The following GRHL1 variants were observed in gnomAD, a reference collection of about 807,000 sequenced individuals.
The protein encoded by GRHL1 is grainyhead like transcription factor 1, also known as grainyhead-like protein 1 homolog.
A neutral mutation model predicts 75.7 loss-of-function variants in GRHL1; 38 were observed. That is an observed-to-expected ratio of 0.50 (90% CI 0.39 to 0.66). The LOEUF is 0.66. GRHL1 is among the 30% of genes least tolerant of loss of function. The pLI, the probability that GRHL1 is intolerant of heterozygous loss-of-function variation, is 0.00. For missense variants in GRHL1, 589 were observed against 767.5 expected (o/e 0.77, Z 2.75); for synonymous variants, 266 against 279.4 (o/e 0.95, Z 0.48).
chr2:9,961,028 A>C lies in GRHL1; in HGVS notation c.279-18A>C, dbSNP rs1373413460. ...CTACATCAGCATCGCGTTTGAAAGCAGTTTTCTTTTCTTAAAGAAACAGCA... is the reference window on the plus strand; with the variant it reads ...CTACATCAGCATCGCGTTTGAAAGCCGTTTTCTTTTCTTAAAGAAACAGCA... On this transcript the variant is annotated intron_variant, in intron 3 of 15. Transcript: ENST00000324907. 1.3e-6 allele frequency: 2 copies of C among 1,518,508 alleles called. No homozygotes were observed. The highest frequency in any genetic ancestry group is 1.2e-5 in the South Asian group (1 of 80,346). The allele number at this position is 1,518,508 out of a possible 1,614,324, so 94.1% of individuals were successfully genotyped here. A position where few individuals can be genotyped will look rare whatever the true frequency, so the allele number is the denominator to read the frequency against.
chr2:9,971,561 G>A lies in GRHL1; in HGVS notation c.1110+6180G>A, dbSNP rs79723057. 5.5e-3 allele frequency among the ~76,000 whole-genome samples: 830 copies of A among 152,278 alleles called. 10 individuals are homozygous for A. The highest frequency in any genetic ancestry group is 0.019 in the African/African-American group (781 of 41,554). ...CTTAAGACCCCAAGGAAAACTCAAG[G>A]TATAGCTGTGGAGGCATCTGAATTG... is the stretch of plus-strand genomic sequence containing the variant. On this transcript the variant is annotated intron_variant, in intron 8 of 15. Coordinates refer to ENST00000324907, the MANE Select transcript of GRHL1 (RefSeq NM_198182.3).
chr2:9,970,417 G>A lies in GRHL1; in HGVS notation c.1110+5036G>A, dbSNP rs374809339. Among the ~76,000 whole-genome samples the A allele has an allele frequency of 3.9e-4, 59 of 152,328 alleles. 1 individual carries two copies. The South Asian group carries it at 0.012, about 32-fold the overall frequency. On this transcript the variant is annotated intron_variant, in intron 8 of 15. Transcript: ENST00000324907. ...CACGCTAAAACACCCTGGAGATTTG[G>A]GCATTTCTCCTGAAGAACTGTTTTT...
intron 5 of GRHL1, among the ~76,000 whole-genome samples, chr2:9,962,894 T>C (rs1244062577): frequency 6.6e-6 from 1 of 151,938 alleles, no homozygotes; most frequent in Non-Finnish European, 1.5e-5. Flanking sequence ...TATCAAGTGA[T>C]AAAAGCTTTT....
chr2:9,959,119 T>G (rs1297075505), intron 3 of GRHL1: 2 of 273,032 alleles, frequency 7.3e-6, no homozygotes, highest in Non-Finnish European at 1.4e-5. Context: ...TAGTAATAAC[T>G]TCAGTATTTG....
At chr2:9,980,965 G>A (rs754921967) in intron 8 of GRHL1, among the ~76,000 whole-genome samples, 2 of 152,214 alleles carry the variant, frequency 1.3e-5, no homozygotes, top group Non-Finnish European at 2.9e-5. Context: ...GTCCGAGCCT[G>A]GTTTTACCTG....
intron 6 of GRHL1, 43 bp from the exon 7 acceptor site, chr2:9,964,192 C>T (rs1667391761): frequency 1.5e-6 from 2 of 1,359,224 alleles, no homozygotes; most frequent in African/African-American, 1.4e-5. Flanking sequence ...AAAACATACT[C>T]ACCCTTTAGT....
chr2:9,963,374 T>C (rs1386588353), intron 5 of GRHL1, among the ~76,000 whole-genome samples: 1 of 152,246 alleles, frequency 6.6e-6, no homozygotes, highest in Non-Finnish European at 1.5e-5. Context: ...TGTAATCTGC[T>C]GAGCCGTGGC....
At chr2:9,991,675 G>A (rs945518057) in intron 10 of GRHL1, among the ~76,000 whole-genome samples, 1 of 152,214 alleles carries the variant, frequency 6.6e-6, no homozygotes, top group African/African-American at 2.4e-5. Flanking sequence ...TCCAAATTAT[G>A]TTTACACAAT....
Position 9,956,461 on chromosome 2 carries a change from C to T in GRHL1, c.207+1360C>T, listed in dbSNP as rs758427679. On this transcript the variant is annotated intron_variant, in intron 2 of 15. Coordinates refer to ENST00000324907, the MANE Select transcript of GRHL1 (RefSeq NM_198182.3). Reference sequence around the variant, plus strand: ...ACTTAAGCCTGGGAGTTGGAGGCTGCAGTGAGCTGAGATCATGCCATATCA... The same window carrying T: ...ACTTAAGCCTGGGAGTTGGAGGCTGTAGTGAGCTGAGATCATGCCATATCA... Among the ~76,000 whole-genome samples the T allele has an allele frequency of 1.4e-4, 22 of 151,864 alleles. 1 individual carries two copies. Among genetic ancestry groups the T allele is most frequent in the Non-Finnish European group, 2.6e-4 (18 of 67,990 alleles).
chr2:9,951,716 C>G lies in GRHL1; in HGVS notation c.-118C>G, dbSNP rs909610205. On this transcript the variant is annotated 5_prime_UTR_variant, in exon 1 of 16. Coordinates refer to ENST00000324907, the MANE Select transcript of GRHL1 (RefSeq NM_198182.3). The surrounding 1 kb of genome is among the most constrained non-coding windows in gnomAD (Gnocchi z 4.2). ...TCAGAGCGAGAAAAGCAAACCCAAC[C>G]CGTCGGGGCCGCCGCTCCGGACCCG... is the stretch of plus-strand genomic sequence containing the variant. 2.1e-6 allele frequency: 2 copies of G among 944,010 alleles called. No homozygotes were observed. Among genetic ancestry groups the G allele is most frequent in the Non-Finnish European group, 3.1e-6 (2 of 645,452 alleles). 58.5% of individuals were successfully genotyped at this position (944,010 alleles called of 1,614,324 possible). A position where few individuals can be genotyped will look rare whatever the true frequency, so the allele number is the denominator to read the frequency against.
In GRHL1 at chr2:9,963,828, G is replaced by A. The variant is rs1667376761; in HGVS notation, c.747-58G>A. 4 of 1,183,188 alleles carry A rather than the reference G, an allele frequency of 3.4e-6. No homozygotes were observed. The Admixed American group carries it at 8.3e-5, about 25-fold the overall frequency. 73.3% of individuals were successfully genotyped at this position (1,183,188 alleles called of 1,614,324 possible). On this transcript the variant is annotated intron_variant, in intron 5 of 15. Coordinates refer to ENST00000324907, the MANE Select transcript of GRHL1 (RefSeq NM_198182.3). ...TAGCAAATGCTATTTATAATATGAT[G>A]TATAGCAAGCTTCCACGAGAGTAGA... is the stretch of plus-strand genomic sequence containing the variant.
chr2:9,969,840 C>A (rs1415599802), intron 8 of GRHL1, among the ~76,000 whole-genome samples: 2 of 111,806 alleles, frequency 1.8e-5, no homozygotes, highest in East Asian at 2.3e-4. Context: ...ATAGTTAGCA[C>A]ACTTTTTTTT....
At chr2:9,983,860 TA>T (rs547910074) in intron 8 of GRHL1, among the ~76,000 whole-genome samples, 77 of 147,354 alleles carry the variant, frequency 5.2e-4, no homozygotes, top group Admixed American at 4.7e-4. Flanking sequence ...TTGAAGTGTT[TA>T]AAAAAAAAAA....
At chr2:9,954,311 G>T (rs1174873457) in intron 1 of GRHL1, among the ~76,000 whole-genome samples, 1 of 152,088 alleles carries the variant, frequency 6.6e-6, no homozygotes, top group African/African-American at 2.4e-5. Context: ...TTGATTTACA[G>T]TCCCCTTTGG....
intron 9 of GRHL1, among the ~76,000 whole-genome samples, chr2:9,988,031 G>C (rs1183290863): frequency 6.6e-6 from 1 of 152,170 alleles, no homozygotes; most frequent in African/African-American, 2.4e-5. Flanking sequence ...CACAGTGGCT[G>C]AGCACAGTGA....
At position 9,995,925 on chromosome 2, in the gene GRHL1, G is replaced by A. The variant is rs779601582; in HGVS notation, c.1546G>A (p.Val516Ile). The change falls in exon 13 of 16, where the codon GTC becomes ATC. Residue 516 changes from valine to isoleucine, a missense_variant. Around this residue, in one of 5 missense-constraint regions of GRHL1, gnomAD observed 192 missense variants for 226.6 expected, o/e 0.85. Coordinates refer to ENST00000324907, the MANE Select transcript of GRHL1 (RefSeq NM_198182.3). ...GPYGTEDDFAVPPSTKLARIE... is the reference protein window; with the variant it reads ...GPYGTEDDFAIPPSTKLARIE... Reference sequence around the variant, plus strand: ...GTACGGCACAGAAGATGACTTTGCTGTCCCTCCTTCTACCAAGCTGGCCCG... The same window carrying A: ...GTACGGCACAGAAGATGACTTTGCTATCCCTCCTTCTACCAAGCTGGCCCG... The A allele has an allele frequency of 3.7e-6, 6 of 1,613,308 alleles. 1 individual carries two copies. In the South Asian group the frequency reaches 6.6e-5, roughly 18 times the overall value.
intron 2 of GRHL1, among the ~76,000 whole-genome samples, chr2:9,955,642 T>C (rs991331817): frequency 5.9e-5 from 9 of 152,242 alleles, no homozygotes; most frequent in African/African-American, 2.2e-4. Flanking sequence ...ATTTTCATTA[T>C]CTGGAAGTGA....
At chr2:9,970,837 T>C (rs1244812637) in intron 8 of GRHL1, among the ~76,000 whole-genome samples, 2 of 152,228 alleles carry the variant, frequency 1.3e-5, no homozygotes, top group African/African-American at 4.8e-5. Context: ...GTTTATGTCA[T>C]GGAAAGGCTC....
chr2:9,993,311 G>A (rs1179365652), intron 12 of GRHL1, 67 bp downstream of exon 12: 4 of 1,288,678 alleles, frequency 3.1e-6, no homozygotes, highest in East Asian at 2.3e-5. Context: ...TAGAAAAACT[G>A]CAAGTACAGT....
Sources: allele counts gnomAD v4.1 joint callset (sites outside exome capture counted in the v4.1 genomes callset), GRCh38; gene constraint gnomAD v4.1.1; regional missense constraint gnomAD v4.1.1; non-coding constraint Gnocchi (gnomAD v3.1); transcripts MANE v1.5; gene names NCBI Gene and HGNC (gene_info 2026-07-23, HGNC 2026-07-21).